ABTB3: variants seen among roughly 807,000 people sequenced by gnomAD.
The protein encoded by ABTB3 is ankyrin repeat- and BTB/POZ domain-containing protein 3.
At chr12:107,368,040 C>T in the ABTB3 span, among the ~76,000 whole-genome samples, 1 of 152,222 alleles carries the variant, frequency 6.6e-6, no homozygotes, top group African/African-American at 2.4e-5. Flanking sequence ...GGTTGTACAT[C>T]TAGCTTATTA....
the ABTB3 span, among the ~76,000 whole-genome samples, chr12:107,339,752 A>G: frequency 6.6e-6 from 1 of 152,050 alleles, no homozygotes; most frequent in Non-Finnish European, 1.5e-5. Flanking sequence ...ATTATCAGAA[A>G]TTGGACGCCT....
the ABTB3 span, among the ~76,000 whole-genome samples, chr12:107,380,434 G>C: frequency 6.6e-6 from 1 of 152,184 alleles, no homozygotes; most frequent in Non-Finnish European, 1.5e-5. Context: ...GTCCCAACAT[G>C]ACTGAGTTGG....
At chr12:107,463,946 T>C in the ABTB3 span, among the ~76,000 whole-genome samples, 1 of 152,138 alleles carries the variant, frequency 6.6e-6, no homozygotes, top group Non-Finnish European at 1.5e-5. Context: ...TCTGCCCTCA[T>C]CTCTCTGGGC....
At chr12:107,428,859 A>G in the ABTB3 span, among the ~76,000 whole-genome samples, 1 of 152,228 alleles carries the variant, frequency 6.6e-6, no homozygotes, top group Non-Finnish European at 1.5e-5. Context: ...ATGTCACTTA[A>G]TCCTCACAGC....
At chr12:107,372,895 A>C in the ABTB3 span, among the ~76,000 whole-genome samples, 1 of 152,246 alleles carries the variant, frequency 6.6e-6, no homozygotes, top group Admixed American at 6.5e-5. Flanking sequence ...TCTTTGGTAC[A>C]TTGCTGTCTC....
the ABTB3 span, among the ~76,000 whole-genome samples, chr12:107,509,207 G>C: frequency 1.3e-5 from 2 of 152,288 alleles, no homozygotes; most frequent in South Asian, 2.1e-4. Context: ...TGCAAGAAAG[G>C]CTGACCCCTG....
At chr12:107,461,390 G>A in the ABTB3 span, among the ~76,000 whole-genome samples, 9 of 152,240 alleles carry the variant, frequency 5.9e-5, no homozygotes, top group Admixed American at 1.3e-4. Flanking sequence ...AGAAGGCCAC[G>A]TGATGACAGA....
the ABTB3 span, among the ~76,000 whole-genome samples, chr12:107,612,619 G>A: frequency 6.6e-6 from 1 of 152,238 alleles, no homozygotes; most frequent in South Asian, 2.1e-4. Context: ...ACATGTGGAG[G>A]GTTGTGACCT....
the ABTB3 span, among the ~76,000 whole-genome samples, chr12:107,509,819 A>G: frequency 2.6e-5 from 4 of 152,364 alleles, no homozygotes; most frequent in South Asian, 2.1e-4. Flanking sequence ...TCTTAATCTG[A>G]TAATTTCCTG....
the ABTB3 span, among the ~76,000 whole-genome samples, chr12:107,443,142 T>C: frequency 6.6e-6 from 1 of 152,088 alleles, no homozygotes; most frequent in East Asian, 1.9e-4. Context: ...ACATAGGAAT[T>C]TGGGGAGGAC....
the ABTB3 span, among the ~76,000 whole-genome samples, chr12:107,477,140 T>G: frequency 6.6e-6 from 1 of 152,112 alleles, no homozygotes; most frequent in Non-Finnish European, 1.5e-5. Flanking sequence ...AAGGCATTGG[T>G]GCGCATGCAT....
chr12:107,474,793 A>G, the ABTB3 span, among the ~76,000 whole-genome samples: 4 of 152,076 alleles, frequency 2.6e-5, no homozygotes, highest in East Asian at 7.7e-4. Context: ...CTGCAGAGTG[A>G]GCTTAACACA....
chr12:107,483,628 T>C, the ABTB3 span, among the ~76,000 whole-genome samples: 1 of 152,194 alleles, frequency 6.6e-6, no homozygotes, highest in African/African-American at 2.4e-5. Context: ...TCCCAAATGC[T>C]TGCCTGAAGC....
At chr12:107,435,909 G>C in the ABTB3 span, among the ~76,000 whole-genome samples, 1 of 152,202 alleles carries the variant, frequency 6.6e-6, no homozygotes, top group African/African-American at 2.4e-5. Context: ...ACGTGTGGCT[G>C]TTAATACTTG....
At chr12:107,550,835 G>A in the ABTB3 span, among the ~76,000 whole-genome samples, 13 of 151,726 alleles carry the variant, frequency 8.6e-5, no homozygotes, top group Admixed American at 3.3e-4. Flanking sequence ...CGCCTGTCTC[G>A]GCCTCCCAAA....
the ABTB3 span, among the ~76,000 whole-genome samples, chr12:107,365,851 A>G: frequency 2.0e-5 from 3 of 152,254 alleles, no homozygotes; most frequent in East Asian, 5.8e-4. Flanking sequence ...TTAACACTTT[A>G]TTCACAGCTG....
the ABTB3 span, among the ~76,000 whole-genome samples, chr12:107,434,118 C>T: frequency 6.6e-6 from 1 of 152,234 alleles, no homozygotes. Flanking sequence ...TATTTGAACA[C>T]TGACCACCAT....
chr12:107,550,445 T>G, the ABTB3 span, among the ~76,000 whole-genome samples: 3 of 149,270 alleles, frequency 2.0e-5, no homozygotes, highest in African/African-American at 7.4e-5. Flanking sequence ...GGACTCGTAA[T>G]ATGGAAAATT....
chr12:107,529,243 AGAT>A, the ABTB3 span, among the ~76,000 whole-genome samples: 19 of 132,552 alleles, frequency 1.4e-4, no homozygotes, highest in Admixed American at 8.3e-4. Context: ...ATAATGATGG[AGAT>A]GATGATGGTG....
Sources: gnomAD v4.1 joint callset for allele counts (sites outside exome capture counted in the v4.1 genomes callset) on GRCh38, gnomAD v4.1.1 for gene constraint, MANE v1.5 for transcripts, NCBI Gene and HGNC (gene_info 2026-07-23, HGNC 2026-07-21) for gene names.